DPH6: variants seen among roughly 807,000 people sequenced by gnomAD.
The protein encoded by DPH6 is diphthine--ammonia ligase.
In DPH6, 33 loss-of-function variants were observed where a neutral mutation model predicts 38.2. That is an observed-to-expected ratio of 0.86 (90% confidence interval 0.65 to 1.15). The LOEUF is 1.15. DPH6 is among the 50% of genes most tolerant of loss of function. The pLI, the probability that DPH6 is intolerant of heterozygous loss-of-function variation, is 0.00. For missense variants in DPH6, 325 were observed against 320.0 expected, an observed-to-expected ratio of 1.02 and a Z score of -0.12; for synonymous variants, 108 against 103.0, an observed-to-expected ratio of 1.05 and a Z score of -0.30.
At chr15:35,463,781 C>A (rs549764559) in intron 3 of DPH6, among the ~76,000 whole-genome samples, 42 of 151,886 alleles carry the variant, frequency 2.8e-4, no homozygotes, top group Non-Finnish European at 5.7e-4. Context: ...TAAAAATATA[C>A]CTATGGATAT....
chr15:35,166,418 C>G, the DPH6 span, among the ~76,000 whole-genome samples: 1 of 151,936 alleles, frequency 6.6e-6, no homozygotes, highest in East Asian at 1.9e-4. Flanking sequence ...TCCTGTGTCA[C>G]AAAAAACTTA....
chr15:35,531,252 AAG>A (rs1039318159), intron 3 of DPH6, among the ~76,000 whole-genome samples: 3 of 152,200 alleles, frequency 2.0e-5, no homozygotes, highest in Non-Finnish European at 4.4e-5. Flanking sequence ...ACTAATTAGA[AAG>A]AGTTTCTGCT....
chr15:35,282,704 C>A, intron 3 of DPH6: 1 of 380,172 alleles, frequency 2.6e-6, no homozygotes, highest in Non-Finnish European at 5.4e-6. Context: ...CATTGATGTG[C>A]CATGCCTTAC....
intron 3 of DPH6, among the ~76,000 whole-genome samples, chr15:35,479,846 T>C (rs2054305820): frequency 6.6e-6 from 1 of 152,142 alleles, no homozygotes; most frequent in African/African-American, 2.4e-5. Flanking sequence ...ATATTAAAAA[T>C]TCTAATTGAA....
intron 6 of DPH6, among the ~76,000 whole-genome samples, chr15:35,386,757 G>A (rs1313674313): frequency 6.6e-6 from 1 of 152,114 alleles, no homozygotes; most frequent in Non-Finnish European, 1.5e-5. Context: ...TGTCAGATGA[G>A]TAGGTTGCAA....
intron 3 of DPH6, among the ~76,000 whole-genome samples, chr15:35,257,070 T>A (rs1393407989): frequency 6.6e-6 from 1 of 152,082 alleles, no homozygotes; most frequent in African/African-American, 2.4e-5. Context: ...AAGAATGGCA[T>A]CATTAGCATA....
At chr15:35,400,994 T>A in intron 6 of DPH6, 1 of 935,536 alleles carries the variant, frequency 1.1e-6, no homozygotes, top group Non-Finnish European at 1.7e-6. Flanking sequence ...CCCACTCAAC[T>A]GTGAAAAAGA....
intron 3 of DPH6, among the ~76,000 whole-genome samples, chr15:35,256,525 A>T (rs1418550116): frequency 6.6e-6 from 1 of 152,224 alleles, no homozygotes; most frequent in Non-Finnish European, 1.5e-5. Context: ...ACTAAAATAT[A>T]ATTTTTTTTC....
intron 3 of DPH6, chr15:35,299,404 T>C: frequency 1.2e-6 from 1 of 801,920 alleles, no homozygotes; most frequent in Admixed American, 1.7e-5. Context: ...GCCTTCTGTT[T>C]TTGAGTCACT....
At chr15:35,361,180 G>A (rs953258629) in intron 3 of DPH6, among the ~76,000 whole-genome samples, 4 of 152,216 alleles carry the variant, frequency 2.6e-5, no homozygotes, top group African/African-American at 9.6e-5. Flanking sequence ...TGCCACTGGG[G>A]CATAGGCTAG....
intron 3 of DPH6, among the ~76,000 whole-genome samples, chr15:35,260,887 G>GA (rs1203956530): frequency 6.6e-6 from 1 of 152,068 alleles, no homozygotes; most frequent in Non-Finnish European, 1.5e-5. Flanking sequence ...TAGGATTCTG[G>GA]AAAAATTGTC....
intron 3 of DPH6, among the ~76,000 whole-genome samples, chr15:35,512,737 C>G (rs532824720): frequency 6.6e-6 from 1 of 152,060 alleles, no homozygotes; most frequent in South Asian, 2.1e-4. Context: ...TAAAAAAAGA[C>G]TTTGAATTTT....
intron 3 of DPH6, among the ~76,000 whole-genome samples, chr15:35,514,185 CTTACAACTAT>C (rs2054814700): frequency 8.3e-6 from 1 of 121,196 alleles, no homozygotes; most frequent in South Asian, 2.5e-4. Flanking sequence ...TAAATAAAAT[CTTACAACTAT>C]GTAGAATCCT....
chr15:35,214,586 T>C (rs952286768), downstream of DPH6, among the ~76,000 whole-genome samples: 1 of 152,186 alleles, frequency 6.6e-6, no homozygotes, highest in African/African-American at 2.4e-5. Context: ...CAAGCCACTA[T>C]CATTTTTCAT....
At chr15:35,349,204 TGA>T (rs1325365661) in intron 3 of DPH6, among the ~76,000 whole-genome samples, 1 of 152,136 alleles carries the variant, frequency 6.6e-6, no homozygotes, top group Non-Finnish European at 1.5e-5. Context: ...ATAGAAGTGG[TGA>T]GAGAGGGCAT....
At chr15:35,190,301 C>T in the DPH6 span, among the ~76,000 whole-genome samples, 1 of 152,206 alleles carries the variant, frequency 6.6e-6, no homozygotes, top group Non-Finnish European at 1.5e-5. Context: ...TCACGCAGAG[C>T]CAGCTCTTCG....
At chr15:35,432,872 G>A (rs2141036392) in intron 5 of DPH6, among the ~76,000 whole-genome samples, 1 of 152,290 alleles carries the variant, frequency 6.6e-6, no homozygotes, top group South Asian at 2.1e-4. Flanking sequence ...TGGAGGTTAG[G>A]AGGACGGTGA....
chr15:35,249,515 T>G (rs2051657371), intron 3 of DPH6, among the ~76,000 whole-genome samples: 1 of 152,188 alleles, frequency 6.6e-6, no homozygotes. Flanking sequence ...GAATATATTA[T>G]TCTATGTCGA....
At chr15:35,329,981 T>G (rs961328007), downstream of DPH6, among the ~76,000 whole-genome samples, 4 of 152,186 alleles carry the variant, frequency 2.6e-5, no homozygotes, top group African/African-American at 9.6e-5. Flanking sequence ...CAGATTTCCA[T>G]GCAAATATAA....
Sources: gnomAD v4.1 joint callset for allele counts (sites outside exome capture counted in the v4.1 genomes callset) on GRCh38, gnomAD v4.1.1 for gene constraint, MANE v1.5 for transcripts, NCBI Gene and HGNC (gene_info 2026-07-23, HGNC 2026-07-21) for gene names.